CHCHD3: variants seen among roughly 807,000 people sequenced by gnomAD.
CHCHD3 encodes the protein MICOS complex subunit MIC19.
In CHCHD3, 20 loss-of-function variants were observed where a neutral mutation model predicts 38.2. The observed-to-expected ratio is 0.52, with a 90% CI of 0.37 to 0.76. The LOEUF is 0.76. Ranked by LOEUF, CHCHD3 falls within the 30% of genes least tolerant of loss-of-function variation. The pLI, the probability that CHCHD3 is intolerant of heterozygous loss-of-function variation, is 0.00. For missense variants in CHCHD3, 245 were observed against 279.2 expected (o/e 0.88, Z 0.87); for synonymous variants, 82 against 100.0 (o/e 0.82, Z 1.07).
intron 5 of CHCHD3, chr7:132,845,266 C>T (rs1001388041): frequency 1.3e-5 from 2 of 152,058 alleles, no homozygotes; most frequent in Non-Finnish European, 2.9e-5. Flanking sequence ...TTTGTAGCAC[C>T]AGGGACTTAG....
intron 4 of CHCHD3, among the ~76,000 whole-genome samples, chr7:132,960,916 A>G (rs936971266): frequency 6.6e-6 from 1 of 152,138 alleles, no homozygotes; most frequent in African/African-American, 2.4e-5. Flanking sequence ...CGGAGGTAGC[A>G]GTGAGCAAAT....
Position 132,788,608 on chromosome 7 carries a change from G to A in CHCHD3, c.661-2948C>T, listed in dbSNP as rs1806382583. ...AGCCAAATCATATCATGCTAAGAATGTTAGGCTCTCTTTCAGAAAGAGACA... is the reference window on the plus strand; with the variant it reads ...AGCCAAATCATATCATGCTAAGAATATTAGGCTCTCTTTCAGAAAGAGACA... On this transcript the variant is annotated intron_variant, in intron 7 of 7. Transcript: ENST00000262570. This position sits in a 1 kb window ranked among gnomAD's most constrained non-coding sequence, Gnocchi z 4.0. Among the ~76,000 whole-genome samples, 1 of 152,212 alleles carries A rather than the reference G, an allele frequency of 6.6e-6. No homozygotes were observed. The highest frequency in any genetic ancestry group is 2.4e-5 in the African/African-American group (1 of 41,446).
At chr7:132,900,605 G>T (rs1809642952) in intron 4 of CHCHD3, among the ~76,000 whole-genome samples, 1 of 152,176 alleles carries the variant, frequency 6.6e-6, no homozygotes. Context: ...AGCAGTGCTG[G>T]ACTCAAAAGA....
chr7:132,844,618 T>C (rs1808026145), intron 5 of CHCHD3, among the ~76,000 whole-genome samples: 1 of 152,230 alleles, frequency 6.6e-6, no homozygotes, highest in South Asian at 2.1e-4. Context: ...CAGAAAGTCT[T>C]ATTGTTTGAT....
chr7:133,065,887 C>A (rs1814653825), intron 2 of CHCHD3, among the ~76,000 whole-genome samples: 1 of 152,106 alleles, frequency 6.6e-6, no homozygotes, highest in Admixed American at 6.5e-5. Context: ...AATTTTAGTT[C>A]TTTTCTTGGG....
chr7:133,057,398 C>T (rs910350598), intron 2 of CHCHD3, among the ~76,000 whole-genome samples: 2 of 151,506 alleles, frequency 1.3e-5, no homozygotes, highest in South Asian at 4.2e-4. Context: ...CCTGTCTCTA[C>T]AAAAAAAATT....
chr7:132,920,676 A>G (rs1250918335), intron 4 of CHCHD3, among the ~76,000 whole-genome samples: 1 of 152,238 alleles, frequency 6.6e-6, no homozygotes, highest in Non-Finnish European at 1.5e-5. Flanking sequence ...AAGTAAACAA[A>G]TGGCCCATCC....
intron 4 of CHCHD3, among the ~76,000 whole-genome samples, chr7:132,923,262 G>A (rs536162688): frequency 6.6e-5 from 10 of 152,148 alleles, no homozygotes; most frequent in Non-Finnish European, 1.2e-4. Flanking sequence ...GTCCTTTTCC[G>A]AAAGTTGGGT....
At chr7:132,949,255 T>C (rs1810978407) in intron 4 of CHCHD3, among the ~76,000 whole-genome samples, 1 of 152,096 alleles carries the variant, frequency 6.6e-6, no homozygotes, top group South Asian at 2.1e-4. Context: ...TGGATATGTA[T>C]GGGCAACTGA....
chr7:132,961,832 T>C (rs1811328928), intron 4 of CHCHD3, among the ~76,000 whole-genome samples: 1 of 152,250 alleles, frequency 6.6e-6, no homozygotes, highest in Non-Finnish European at 1.5e-5. Flanking sequence ...TCTTTGCTTC[T>C]GTGAGTTCAA....
chr7:132,845,052 G>A (rs1808042081), intron 5 of CHCHD3: 1 of 152,198 alleles, frequency 6.6e-6, no homozygotes, highest in Non-Finnish European at 1.5e-5. Context: ...TCCGCACTTA[G>A]GTGGGCGATT....
At chr7:132,975,944 C>CA (rs1562926951) in intron 3 of CHCHD3, among the ~76,000 whole-genome samples, 2 of 149,684 alleles carry the variant, frequency 1.3e-5, no homozygotes, top group Non-Finnish European at 3.0e-5. Context: ...AAAAAAAAGC[C>CA]ATCTACATGA....
chr7:133,022,318 A>G, intron 3 of CHCHD3: 1 of 451,774 alleles, frequency 2.2e-6, no homozygotes. Flanking sequence ...CACGCAGGGT[A>G]TATACCATAT....
At chr7:132,922,811 T>C (rs1340356580) in intron 4 of CHCHD3, among the ~76,000 whole-genome samples, 2 of 149,732 alleles carry the variant, frequency 1.3e-5, no homozygotes, top group African/African-American at 5.0e-5. Context: ...GTATTTCAAG[T>C]ATGGGGCAAC....
intron 4 of CHCHD3, chr7:132,973,282 C>T (rs187278271): frequency 2.9e-5 from 29 of 985,394 alleles, no homozygotes; most frequent in Admixed American, 1.8e-4. Context: ...GTTTTGCTCT[C>T]GTACCTTCCT....
At chr7:132,805,031 C>A (rs1181348428) in intron 6 of CHCHD3, among the ~76,000 whole-genome samples, 1 of 152,200 alleles carries the variant, frequency 6.6e-6, no homozygotes. Flanking sequence ...GGCCATGCTG[C>A]CAAACTTCCT....
At chr7:133,040,733 A>T in intron 2 of CHCHD3, among the ~76,000 whole-genome samples, 1 of 152,194 alleles carries the variant, frequency 6.6e-6, no homozygotes, top group Non-Finnish European at 1.5e-5. Context: ...TATGCTTTTC[A>T]CTTGTTAATA....
intron 5 of CHCHD3, among the ~76,000 whole-genome samples, chr7:132,871,187 A>G (rs1389495963): frequency 2.6e-5 from 4 of 152,194 alleles, no homozygotes; most frequent in Admixed American, 6.5e-5. Flanking sequence ...AAATTTAGTT[A>G]CTTTATATAA....
chr7:132,923,139 A>T (rs755042669), intron 4 of CHCHD3, among the ~76,000 whole-genome samples: 33 of 152,200 alleles, frequency 2.2e-4, no homozygotes, highest in Non-Finnish European at 3.2e-4. Context: ...TATTGTCCCA[A>T]CAATGTCACA....
Sources: allele counts gnomAD v4.1 joint callset (sites outside exome capture counted in the v4.1 genomes callset), GRCh38; gene constraint gnomAD v4.1.1; non-coding constraint Gnocchi (gnomAD v3.1); transcripts MANE v1.5; gene names NCBI Gene and HGNC (gene_info 2026-07-23, HGNC 2026-07-21).